CERS6: variants seen among roughly 807,000 people sequenced by gnomAD.
CERS6 encodes the protein ceramide synthase 6, also known as LAG1 homolog, ceramide synthase 6.
In CERS6, 26 loss-of-function variants were observed where a neutral mutation model predicts 56.8. That is an observed-to-expected ratio of 0.46 (90% CI 0.34 to 0.63). The LOEUF is 0.63. Ranked by LOEUF, CERS6 falls within the 30% of genes least tolerant of loss-of-function variation. The probability of loss-of-function intolerance (pLI) is 0.01; values close to 1 mark genes in which losing one functional copy is unlikely to be tolerated. For synonymous variants in CERS6, 164 were observed against 173.3 expected (o/e 0.95, Z 0.42); for missense variants, 415 against 467.5 (o/e 0.89, Z 1.04).
chr2:168,693,537 A>G (rs1686558717), intron 5 of CERS6, among the ~76,000 whole-genome samples: 1 of 152,144 alleles, frequency 6.6e-6, no homozygotes, highest in Non-Finnish European at 1.5e-5. Context: ...CATTTCAGCC[A>G]TCCATCTGCC....
chr2:168,613,128 C>G (rs1684228294), intron 3 of CERS6, among the ~76,000 whole-genome samples: 2 of 152,178 alleles, frequency 1.3e-5, no homozygotes, highest in African/African-American at 4.8e-5. Flanking sequence ...ACTCAAGGAC[C>G]TGGGACATTG....
At chr2:168,672,276 A>G (rs868231370) in intron 4 of CERS6, among the ~76,000 whole-genome samples, 1 of 152,220 alleles carries the variant, frequency 6.6e-6, no homozygotes, top group African/African-American at 2.4e-5. Flanking sequence ...TACAGTAATA[A>G]TCTTGTTTTT....
intron 3 of CERS6, among the ~76,000 whole-genome samples, chr2:168,594,952 A>T (rs894596808): frequency 1.3e-5 from 2 of 152,144 alleles, no homozygotes; most frequent in Admixed American, 6.5e-5. Context: ...ATTCAAAGTG[A>T]ATCTGAAGAA....
intron 8 of CERS6, among the ~76,000 whole-genome samples, chr2:168,755,334 TA>T (rs1032261577): frequency 1.1e-4 from 16 of 152,334 alleles, no homozygotes; most frequent in African/African-American, 3.8e-4. Flanking sequence ...CTAGCTCTCT[TA>T]AATGCTTCAA....
chr2:168,702,631 C>T (rs1268447377), intron 6 of CERS6, among the ~76,000 whole-genome samples: 2 of 152,214 alleles, frequency 1.3e-5, no homozygotes, highest in Admixed American at 1.3e-4. Context: ...CCAATATTTT[C>T]CAGATAACTA....
chr2:168,687,386 C>T (rs762074432), intron 4 of CERS6, among the ~76,000 whole-genome samples: 2 of 152,188 alleles, frequency 1.3e-5, no homozygotes, highest in South Asian at 2.1e-4. Flanking sequence ...TCCCTAGTAC[C>T]TTACTACTTG....
chr2:168,512,138 T>C (rs1451109031), intron 1 of CERS6, among the ~76,000 whole-genome samples: 1 of 152,160 alleles, frequency 6.6e-6, no homozygotes, highest in Non-Finnish European at 1.5e-5. Context: ...GTCAGATTCA[T>C]AGAGACAGAG....
At chr2:168,616,430 A>G (rs1306088814) in intron 3 of CERS6, among the ~76,000 whole-genome samples, 1 of 152,250 alleles carries the variant, frequency 6.6e-6, no homozygotes, top group Non-Finnish European at 1.5e-5. Flanking sequence ...TCCACTTAAA[A>G]GATACGGAAT....
At chr2:168,688,512 T>C (rs1686415139) in intron 4 of CERS6, among the ~76,000 whole-genome samples, 1 of 152,086 alleles carries the variant, frequency 6.6e-6, no homozygotes, top group Admixed American at 6.6e-5. Flanking sequence ...AATCAACTCA[T>C]GGACTTCGGT....
At chr2:168,613,661 C>T (rs1684240700) in intron 3 of CERS6, among the ~76,000 whole-genome samples, 1 of 152,226 alleles carries the variant, frequency 6.6e-6, no homozygotes, top group African/African-American at 2.4e-5. Flanking sequence ...GGTGTAAACA[C>T]TGTTGCTACA....
At position 168,717,911 on chromosome 2, in the gene CERS6, T is replaced by C. The variant is rs757753807; in HGVS notation, c.778T>C (p.Cys260Arg). The C allele has an allele frequency of 1.9e-6, 3 of 1,613,902 alleles. No individual in the cohort carries two copies. The highest frequency in any genetic ancestry group is 3.3e-5 in the Admixed American group (2 of 60,018). ...AAATTATGCCAAGTTTCAGAAAATG[T>C]GTGATCTCCTGTTTGTTATGTTTGC... ...MANYAKFQKMCDLLFVMFAVV... is the reference protein window; with the variant it reads ...MANYAKFQKMRDLLFVMFAVV... Residue 260 changes from cysteine to arginine, a missense_variant, in exon 8 of 10, where the codon TGT becomes CGT. By Grantham distance (180) the Cys-to-Arg change is radical. Transcript: ENST00000305747.
intron 1 of CERS6, among the ~76,000 whole-genome samples, chr2:168,531,377 T>C (rs1443706286): frequency 6.6e-6 from 1 of 152,220 alleles, no homozygotes; most frequent in East Asian, 1.9e-4. Context: ...GGAGATTTCA[T>C]GCCTAAAGGA....
intron 8 of CERS6, among the ~76,000 whole-genome samples, chr2:168,723,906 G>C (rs1162265353): frequency 6.6e-6 from 1 of 152,170 alleles, no homozygotes; most frequent in East Asian, 1.9e-4. Flanking sequence ...CATATGAATA[G>C]GTTTACTATA....
chr2:168,730,022 C>T (rs73028498), intron 8 of CERS6, among the ~76,000 whole-genome samples: 2,204 of 152,240 alleles, frequency 0.014, 62 homozygotes, highest in African/African-American at 0.05. Flanking sequence ...GAAATTTTAG[C>T]GTTTCCCCTG....
chr2:168,510,093 T>TA (rs10629640), intron 1 of CERS6, among the ~76,000 whole-genome samples: 5,087 of 139,794 alleles, frequency 0.036, 121 homozygotes, highest in African/African-American at 0.079. Flanking sequence ...TAATAATTGG[T>TA]AAAAAAAAAA....
At chr2:168,481,191 G>A (rs564113202) in intron 1 of CERS6, among the ~76,000 whole-genome samples, 13 of 152,258 alleles carry the variant, frequency 8.5e-5, no homozygotes, top group East Asian at 3.9e-4. Context: ...TGAGGTGGGC[G>A]GATCATGAAG....
Position 168,517,391 on chromosome 2 carries a change from C to T in CERS6, c.171-30205C>T, listed in dbSNP as rs374842322. ...CCTGTAATCCCAGCTATTTGGGAGGCTGAGGCAGGAGAATTGCTTGAACCC... is the reference window on the plus strand; with the variant it reads ...CCTGTAATCCCAGCTATTTGGGAGGTTGAGGCAGGAGAATTGCTTGAACCC... On this transcript the variant is annotated intron_variant, in intron 1 of 9. Transcript: ENST00000305747. Among the ~76,000 whole-genome samples, 175 of 151,980 alleles carry T rather than the reference C, an allele frequency of 1.2e-3. 2 individuals are homozygous for T. The highest frequency in any genetic ancestry group is 4.1e-3 in the African/African-American group (170 of 41,438).
chr2:168,601,093 A>T (rs1235212476), intron 3 of CERS6, among the ~76,000 whole-genome samples: 4 of 152,174 alleles, frequency 2.6e-5, no homozygotes, highest in Non-Finnish European at 5.9e-5. Context: ...TACTTATTAC[A>T]CTTCAGCCTA....
At chr2:168,548,408 A>G (rs902792476) in intron 2 of CERS6, among the ~76,000 whole-genome samples, 2 of 152,210 alleles carry the variant, frequency 1.3e-5, no homozygotes, top group Non-Finnish European at 2.9e-5. Context: ...AGGGAGGAGA[A>G]AGCTGGAAGT....
Sources: allele counts gnomAD v4.1 joint callset (sites outside exome capture counted in the v4.1 genomes callset), GRCh38; gene constraint gnomAD v4.1.1; transcripts MANE v1.5; gene names NCBI Gene and HGNC (gene_info 2026-07-23, HGNC 2026-07-21).